LTN1: variants seen among roughly 807,000 people sequenced by gnomAD.
LTN1 encodes E3 ubiquitin-protein ligase listerin.
In LTN1, 88 loss-of-function variants were observed where a neutral mutation model predicts 201.2. The ratio of observed to expected loss-of-function variants is 0.44; its 90% CI spans 0.37 to 0.52. The LOEUF is 0.52. Among genes scored for constraint, LTN1 ranks in the 20% least tolerant of loss-of-function variants. The probability of loss-of-function intolerance (pLI) is 0.00; values close to 1 mark genes in which losing one functional copy is unlikely to be tolerated. For synonymous variants in LTN1, 645 were observed against 713.5 expected, an observed-to-expected ratio of 0.90 and a Z score of 1.53; for missense variants, 1,752 against 2,038.7, an observed-to-expected ratio of 0.86 and a Z score of 2.71.
intron 26 of LTN1, 51 bp downstream of exon 26, chr21:28,936,475 C>G (rs1453530996): frequency 1.4e-6 from 2 of 1,430,430 alleles, no homozygotes; most frequent in Admixed American, 4.2e-5. Flanking sequence ...TTAATTCAAC[C>G]TAGTCTGAAT....
chr21:28,985,020 A>C (rs2084686661), intron 3 of LTN1, 98 bp from the exon 4 acceptor site: 6 of 761,156 alleles, frequency 7.9e-6, no homozygotes, highest in Non-Finnish European at 1.3e-5. Flanking sequence ...CCAAGAATTC[A>C]CCTATGTATT....
In LTN1 at chr21:28,986,837, T is replaced by C. The variant is rs1203241565; in HGVS notation, c.140A>G (p.Tyr47Cys). 1.2e-6 allele frequency: 2 copies of C among 1,613,804 alleles called. No individual in the cohort carries two copies. The highest frequency in any genetic ancestry group is 1.7e-6 in the Non-Finnish European group (2 of 1,179,678). Reference protein sequence around the residue: ...GFGTSQSDLGYVPAIQGAEEI... With the variant: ...GFGTSQSDLGCVPAIQGAEEI... ...TTCAGCTCCTTGAATAGCAGGAACA[T>C]AGCCTAGGTCACTCTGAGATGTTCC... The change falls in exon 2 of 30, where the codon TAT becomes TGT. Residue 47 changes from tyrosine (Y) to cysteine (C), a missense_variant. By Grantham distance (194) the Tyr-to-Cys change is radical. This residue lies in a region of LTN1 where 280 missense variants were observed against 375.7 expected (regional missense o/e 0.75). Coordinates refer to ENST00000361371, the MANE Select transcript of LTN1 (RefSeq NM_015565.3). This position sits in a 1 kb window ranked among gnomAD's most constrained non-coding sequence, Gnocchi z 4.1.
In LTN1 at chr21:28,957,457, C is replaced by G; in HGVS notation, c.2767G>C (p.Ala923Pro). 1 of 1,572,474 alleles carries G rather than the reference C, an allele frequency of 6.4e-7. No homozygotes were observed. Among genetic ancestry groups the G allele is most frequent in the Non-Finnish European group, 8.6e-7 (1 of 1,163,962 alleles). ...DINSLQVLLSAVDDLLNTLLE... is the reference protein window; with the variant it reads ...DINSLQVLLSPVDDLLNTLLE... ...AGTGTATTTAGCAAATCATCAACAGCAGACAAGAGGACTTGGAGACTAAAA... is the reference window on the plus strand; with the variant it reads ...AGTGTATTTAGCAAATCATCAACAGGAGACAAGAGGACTTGGAGACTAAAA... Residue 923 changes from alanine (A) to proline (P), a missense_variant, in exon 15 of 30, where the codon GCT (alanine) becomes CCT (proline). By Grantham distance (27) the Ala-to-Pro change is conservative. This residue lies in a region of LTN1 where 1,211 missense variants were observed against 1,312.8 expected (regional missense o/e 0.92). Coordinates refer to ENST00000361371, the MANE Select transcript of LTN1 (RefSeq NM_015565.3).
chr21:28,965,743 G>A (rs2084516046), intron 11 of LTN1, 122 bp downstream of exon 11: 3 of 583,718 alleles, frequency 5.1e-6, no homozygotes, highest in Non-Finnish European at 9.1e-6. Context: ...ACAATAATGA[G>A]GAAGTTCTCT....
At chr21:28,976,898 T>C (rs750869745) in intron 6 of LTN1, among the ~76,000 whole-genome samples, 5 of 152,038 alleles carry the variant, frequency 3.3e-5, no homozygotes, top group Non-Finnish European at 7.4e-5. Flanking sequence ...TTAGGACTAC[T>C]AGCACTCCCC....
At chr21:28,989,833 G>A (rs2084731202) in intron 1 of LTN1, among the ~76,000 whole-genome samples, 1 of 152,022 alleles carries the variant, frequency 6.6e-6, no homozygotes, top group African/African-American at 2.4e-5. Context: ...TAGCCAACAT[G>A]GCAAAACCCT....
chr21:28,975,485 A>T (rs764189465), intron 6 of LTN1, among the ~76,000 whole-genome samples: 2 of 152,262 alleles, frequency 1.3e-5, no homozygotes, highest in African/African-American at 2.4e-5. Flanking sequence ...ATAGGGAGAT[A>T]CAGAGTAAAT....
chr21:28,989,671 A>G (rs1403137063), intron 1 of LTN1, among the ~76,000 whole-genome samples: 1 of 152,044 alleles, frequency 6.6e-6, no homozygotes, highest in African/African-American at 2.4e-5. Flanking sequence ...CCCTTCTTCA[A>G]ATTATGCTGC....
intron 21 of LTN1, 113 bp from the exon 22 acceptor site, chr21:28,944,709 G>T: frequency 1.3e-6 from 1 of 752,914 alleles, no homozygotes; most frequent in Non-Finnish European, 2.1e-6. Context: ...AAAACGAAAA[G>T]CAGTTGAGGT....
intron 26 of LTN1, among the ~76,000 whole-genome samples, chr21:28,935,593 C>A (rs1440772011): frequency 1.3e-5 from 2 of 152,092 alleles, no homozygotes; most frequent in African/African-American, 4.8e-5. Context: ...GTAATCCCAG[C>A]ACTTTGGGAG....
At chr21:28,940,664 A>G (rs1017602753) in intron 25 of LTN1, among the ~76,000 whole-genome samples, 3 of 152,224 alleles carry the variant, frequency 2.0e-5, no homozygotes, top group African/African-American at 7.2e-5. Context: ...CCTGAAATAA[A>G]AGAACCTGGT....
In LTN1 at chr21:28,928,361, T is replaced by C. The variant is rs541788726; in HGVS notation, c.*2087A>G. The C allele has an allele frequency of 2.6e-5, 4 of 152,598 alleles. No homozygotes were observed. Among genetic ancestry groups the C allele is most frequent in the East Asian group, 3.9e-4 (2 of 5,186 alleles). 9.5% of individuals were successfully genotyped at this position (152,598 alleles called of 1,614,324 possible). ...AATGTATCAAATAACAACATATTAT[T>C]TAAGCCACAGACACTTATGTACATA... On this transcript the variant is annotated 3_prime_UTR_variant, in exon 30 of 30. Transcript: ENST00000361371.
rs1195152020 is a variant in LTN1 at position 28,986,864 on chromosome 21, A to G, written c.113T>C (p.Phe38Ser). ...GCCTAGGTCACTCTGAGATGTTCCA[A>G]AACCAATAAATCCAGGCACTGTTCC... is the stretch of plus-strand genomic sequence containing the variant. Reference protein sequence around the residue: ...EQGTVPGFIGFGTSQSDLGYV... With the variant: ...EQGTVPGFIGSGTSQSDLGYV... Residue 38 changes from phenylalanine (F) to serine (S), a missense_variant, in exon 2 of 30, where the codon TTT becomes TCT. Physicochemically the swap from Phe to Ser is radical, Grantham distance 155. This residue lies in a region of LTN1 where 280 missense variants were observed against 375.7 expected (regional missense o/e 0.75). Coordinates refer to ENST00000361371, the MANE Select transcript of LTN1 (RefSeq NM_015565.3). The surrounding 1 kb of genome is among the most constrained non-coding windows in gnomAD (Gnocchi z 4.1). 4 of 1,614,138 alleles carry G rather than the reference A, an allele frequency of 2.5e-6. No homozygotes were observed. The highest frequency in any genetic ancestry group is 3.4e-6 in the Non-Finnish European group (4 of 1,179,980).
At chr21:28,947,974 T>C (rs8126645) in intron 18 of LTN1, among the ~76,000 whole-genome samples, 45,736 of 150,412 alleles carry the variant, frequency 0.3, 7,087 homozygotes, top group Middle Eastern at 0.34. Context: ...GGGCAGATCA[T>C]GAGGTCAGGC....
Position 28,966,390 on chromosome 21 carries a change from C to G in LTN1, c.2101G>C (p.Val701Leu). The G allele has an allele frequency of 6.2e-7, 1 of 1,608,492 alleles. No individual in the cohort carries two copies. Among genetic ancestry groups the G allele is most frequent in the Non-Finnish European group, 8.5e-7 (1 of 1,178,512 alleles). The change falls in exon 10 of 30, where the codon GTC becomes CTC. Residue 701 changes from valine (V) to leucine (L), a missense_variant. Val to Leu is a conservative substitution (Grantham distance 32). This residue lies in a region of LTN1 where 1,211 missense variants were observed against 1,312.8 expected (regional missense o/e 0.92). Transcript: ENST00000361371. ...CCDNDMERKK[V>L]LDDLTKVDLK... ...AATACCTTGGTTAGATCATCCAAGA[C>G]TTTTTTTCTTTCCATATCATTGTCA...
intron 29 of LTN1, 54 bp downstream of exon 29, chr21:28,931,099 GTT>G (rs1491510784): frequency 1.6e-4 from 144 of 927,278 alleles, no homozygotes; most frequent in Non-Finnish European, 2.1e-4. Flanking sequence ...GTGTGTGTGT[GTT>G]TATGTGTATA....
chr21:28,978,743 T>TA (rs1458133436), intron 6 of LTN1, among the ~76,000 whole-genome samples: 6 of 151,946 alleles, frequency 3.9e-5, no homozygotes, highest in Non-Finnish European at 7.4e-5. Flanking sequence ...TTAGAATTTT[T>TA]AAAAAAGACA....
chr21:28,940,591 A>C (rs1367425170), intron 25 of LTN1, among the ~76,000 whole-genome samples: 1 of 152,206 alleles, frequency 6.6e-6, no homozygotes, highest in Non-Finnish European at 1.5e-5. Context: ...AAAAAACACA[A>C]GATCCAATTC....
chr21:28,960,651 A>G lies in LTN1; in HGVS notation c.2219T>C (p.Ile740Thr). ...CAAGTTGACCAATTTCTCACCAAGG[A>G]TATCGCCTTTGAGCCAAGGAGTTAC... ...ALVTPWLKGD[I>T]LGEKLVNLAD... Residue 740 changes from isoleucine (I) to threonine (T), a missense_variant, in exon 12 of 30, where the codon ATC becomes ACC. Physicochemically the swap from Ile to Thr is moderately conservative, Grantham distance 89. This residue lies in a region of LTN1 where 1,211 missense variants were observed against 1,312.8 expected (regional missense o/e 0.92). Transcript: ENST00000361371. 1 of 1,614,120 alleles carries G rather than the reference A, an allele frequency of 6.2e-7. No individual in the cohort carries two copies. Among genetic ancestry groups the G allele is most frequent in the Non-Finnish European group, 8.5e-7 (1 of 1,179,982 alleles).
Sources: gnomAD v4.1 joint callset for allele counts (sites outside exome capture counted in the v4.1 genomes callset) on GRCh38, gnomAD v4.1.1 for gene constraint, gnomAD v4.1.1 regional missense constraint, Gnocchi (gnomAD v3.1) non-coding constraint, MANE v1.5 for transcripts, NCBI Gene and HGNC (gene_info 2026-07-23, HGNC 2026-07-21) for gene names.